RBFOX1: variants seen among roughly 807,000 people sequenced by gnomAD.
RBFOX1 encodes the protein RNA binding fox-1 homolog 1, also known as RNA binding protein fox-1 homolog 1.
RBFOX1 carries 8 observed loss-of-function variants against 57.7 expected under a neutral mutation model. The ratio of observed to expected loss-of-function variants is 0.14; its 90% CI spans 0.08 to 0.25. RBFOX1 has a LOEUF of 0.25. RBFOX1 is among the 10% of genes least tolerant of loss of function. RBFOX1 has a pLI of 1.00. For synonymous variants in RBFOX1, 326 were observed against 222.4 expected, an observed-to-expected ratio of 1.47 and a Z score of -4.15; for missense variants, 611 against 548.5, an observed-to-expected ratio of 1.11 and a Z score of -1.14.
intron 3 of RBFOX1, among the ~76,000 whole-genome samples, chr16:6,875,994 C>T (rs1479853566): frequency 6.6e-6 from 1 of 151,614 alleles, no homozygotes; most frequent in African/African-American, 2.4e-5. Flanking sequence ...TGGAACTTGT[C>T]TCAAAAAATA....
intron 2 of RBFOX1, among the ~76,000 whole-genome samples, chr16:6,431,257 A>C (rs569903103): frequency 9.2e-5 from 14 of 152,106 alleles, no homozygotes; most frequent in African/African-American, 3.4e-4. Flanking sequence ...GTTAGGAGGG[A>C]GAATAGAGGA....
intron 4 of RBFOX1, among the ~76,000 whole-genome samples, chr16:7,211,878 A>G (rs2091212700): frequency 6.6e-6 from 1 of 152,114 alleles, no homozygotes; most frequent in Non-Finnish European, 1.5e-5. Flanking sequence ...TGCAAGCAAA[A>G]TAAAATTAGA....
chr16:6,747,210 C>G (rs546264539), intron 3 of RBFOX1, among the ~76,000 whole-genome samples: 9 of 152,194 alleles, frequency 5.9e-5, no homozygotes, highest in African/African-American at 1.9e-4. Flanking sequence ...GAGTTCGAGA[C>G]CAGCCTGACT....
At chr16:7,329,093 A>T (rs1014092630) in intron 4 of RBFOX1, among the ~76,000 whole-genome samples, 4 of 152,198 alleles carry the variant, frequency 2.6e-5, no homozygotes, top group African/African-American at 9.6e-5. Context: ...TTCACGCTAC[A>T]ACAGCAGAAT....
intron 1 of RBFOX1, among the ~76,000 whole-genome samples, chr16:6,243,602 G>A (rs1035596684): frequency 6.6e-6 from 1 of 152,148 alleles, no homozygotes; most frequent in African/African-American, 2.4e-5. Context: ...ATAGACTCGG[G>A]TCAGGTGGAC....
At chr16:6,658,945 G>GTTTTTTTT (rs778640073) in intron 3 of RBFOX1, among the ~76,000 whole-genome samples, 1 of 139,446 alleles carries the variant, frequency 7.2e-6, no homozygotes, top group Non-Finnish European at 1.6e-5. Flanking sequence ...TGTTTTTTTT[G>GTTTTTTTT]TTTTTTTTTT....
intron 2 of RBFOX1, among the ~76,000 whole-genome samples, chr16:6,513,983 T>G (rs2096312397): frequency 6.6e-6 from 1 of 152,140 alleles, no homozygotes; most frequent in Non-Finnish European, 1.5e-5. Context: ...GCTCAACACA[T>G]GTCCACTGTG....
At chr16:7,375,366 A>G (rs1339186014) in intron 4 of RBFOX1, among the ~76,000 whole-genome samples, 2 of 152,228 alleles carry the variant, frequency 1.3e-5, no homozygotes, top group African/African-American at 4.8e-5. Flanking sequence ...GTAACTACTT[A>G]GGGTAAATTA....
chr16:5,413,613 A>G (rs1187374484), intron 1 of RBFOX1, among the ~76,000 whole-genome samples: 2 of 152,196 alleles, frequency 1.3e-5, no homozygotes, highest in Non-Finnish European at 2.9e-5. Context: ...GTGCCTGTCT[A>G]GGGCATTTAT....
chr16:7,037,693 G>T (rs1230400409), intron 3 of RBFOX1, among the ~76,000 whole-genome samples: 1 of 152,196 alleles, frequency 6.6e-6, no homozygotes, highest in African/African-American at 2.4e-5. Flanking sequence ...TGATGACCCT[G>T]TGGGGCACAT....
Position 6,621,195 on chromosome 16 carries a change from C to G in RBFOX1, c.-63-33408C>G, listed in dbSNP as rs568925222. On this transcript the variant is annotated intron_variant, in intron 2 of 15. Coordinates refer to ENST00000550418, the MANE Select transcript of RBFOX1 (RefSeq NM_018723.4). ...ACACTAGTCAGGCCGGGCGCGGTGG[C>G]TCACGCCTGTATTCCCAGCACATTG... Among the ~76,000 whole-genome samples, 14 of 152,332 alleles carry G rather than the reference C, an allele frequency of 9.2e-5. No homozygotes were observed. In the East Asian group the frequency reaches 2.3e-3, roughly 25 times the overall value.
At chr16:6,237,552 G>A (rs1383034853) in intron 1 of RBFOX1, among the ~76,000 whole-genome samples, 1 of 152,102 alleles carries the variant, frequency 6.6e-6, no homozygotes, top group African/African-American at 2.4e-5. Flanking sequence ...GACCAGCCTT[G>A]CCAAGATGGT....
intron 2 of RBFOX1, among the ~76,000 whole-genome samples, chr16:6,539,065 T>C (rs1258302450): frequency 6.6e-6 from 1 of 152,090 alleles, no homozygotes; most frequent in East Asian, 1.9e-4. Flanking sequence ...ACTCCATTGC[T>C]GTCTCTGCAA....
At chr16:5,727,500 A>G (rs747166303) in intron 3 of RBFOX1, among the ~76,000 whole-genome samples, 2 of 152,212 alleles carry the variant, frequency 1.3e-5, no homozygotes, top group Admixed American at 6.5e-5. Context: ...GTGTGTGTAT[A>G]TCTACTCTCT....
chr16:5,938,103 T>C (rs1385728466), intron 4 of RBFOX1, among the ~76,000 whole-genome samples: 1 of 152,222 alleles, frequency 6.6e-6, no homozygotes, highest in Non-Finnish European at 1.5e-5. Context: ...TCTGTACCCT[T>C]TTCATTCTTT....
intron 5 of RBFOX1, chr16:7,519,717 G>T: frequency 1.0e-6 from 1 of 985,204 alleles, no homozygotes; most frequent in African/African-American, 1.7e-5. Context: ...TGAGTGTAAG[G>T]CAATTCTGCC....
chr16:6,721,581 C>T (rs972054776), intron 3 of RBFOX1, among the ~76,000 whole-genome samples: 1 of 152,098 alleles, frequency 6.6e-6, no homozygotes, highest in African/African-American at 2.4e-5. Context: ...TGTTAAATAA[C>T]AGCTCCCCAT....
At chr16:5,378,878 C>G (rs1324406891) in intron 1 of RBFOX1, among the ~76,000 whole-genome samples, 2 of 151,512 alleles carry the variant, frequency 1.3e-5, no homozygotes, top group Admixed American at 1.3e-4. Context: ...ATGGATTAGG[C>G]AGAGTAGACT....
In RBFOX1 at chr16:6,564,116, A is replaced by T. The variant is rs144037023; in HGVS notation, c.-63-90487A>T. Among the ~76,000 whole-genome samples the T allele has an allele frequency of 2.3e-3, 350 of 152,070 alleles. 3 individuals carry two copies. The highest frequency in any genetic ancestry group is 9.7e-4 in the Non-Finnish European group (66 of 67,984). On this transcript the variant is annotated intron_variant, in intron 2 of 15. Transcript: ENST00000550418. ...GATGTTCTTGTAGCCTACACTGTGG[A>T]TTGTTCTAGGCTCTTTAATTTTCTG...
Sources: allele counts gnomAD v4.1 joint callset (sites outside exome capture counted in the v4.1 genomes callset), GRCh38; gene constraint gnomAD v4.1.1; transcripts MANE v1.5; gene names NCBI Gene and HGNC (gene_info 2026-07-23, HGNC 2026-07-21).